Variants in CSMD1 observed in about 807,000 individuals in gnomAD.
CSMD1 encodes the protein CUB and Sushi multiple domains 1, also known as CUB and sushi domain-containing protein 1.
Under a neutral mutation model 417.5 loss-of-function variants are expected in CSMD1, and 213 were observed. The observed-to-expected ratio is 0.51, with a 90% confidence interval of 0.46 to 0.57. The LOEUF (loss-of-function observed/expected upper bound fraction) is 0.57, where lower values mean the gene tolerates loss of function less well. Among genes scored for constraint, CSMD1 ranks in the 20% least tolerant of loss-of-function variants. CSMD1 has a pLI of 0.00. For missense variants in CSMD1, 6,923 were observed against 4,529.7 expected, an observed-to-expected ratio of 1.53 and a Z score of -15.17; for synonymous variants, 2,862 against 1,736.8, an observed-to-expected ratio of 1.65 and a Z score of -16.11.
chr8:3,789,440 GT>G (rs577417768), intron 5 of CSMD1, among the ~76,000 whole-genome samples: 1 of 60,518 alleles, frequency 1.7e-5, no homozygotes, highest in Non-Finnish European at 3.0e-5. Context: ...TTTTTTTTAA[GT>G]GTTTTTTTTT....
At chr8:2,972,174 T>C (rs1482040462) in intron 57 of CSMD1, among the ~76,000 whole-genome samples, 2 of 152,092 alleles carry the variant, frequency 1.3e-5, no homozygotes, top group African/African-American at 4.8e-5. Flanking sequence ...ATTATTTCTA[T>C]TTACCTATAT....
intron 1 of CSMD1, among the ~76,000 whole-genome samples, chr8:4,848,603 C>T (rs576702794): frequency 2.0e-5 from 3 of 151,958 alleles, no homozygotes; most frequent in Admixed American, 6.5e-5. Context: ...GCTGTGGCAC[C>T]GTGTCGGCTC....
intron 3 of CSMD1, among the ~76,000 whole-genome samples, chr8:4,297,256 G>C (rs1797738737): frequency 6.6e-6 from 1 of 152,030 alleles, no homozygotes; most frequent in Non-Finnish European, 1.5e-5. Flanking sequence ...TATAGAGCTT[G>C]AAATTTACCA....
At chr8:4,388,222 G>A (rs1018436524) in intron 3 of CSMD1, among the ~76,000 whole-genome samples, 2 of 151,834 alleles carry the variant, frequency 1.3e-5, no homozygotes, top group South Asian at 2.1e-4. Flanking sequence ...TTGCACATGC[G>A]TGTTTACAGT....
intron 1 of CSMD1, among the ~76,000 whole-genome samples, chr8:4,961,570 G>C (rs1446216301): frequency 1.3e-5 from 2 of 152,056 alleles, no homozygotes; most frequent in Non-Finnish European, 2.9e-5. Context: ...GTTAACCATT[G>C]TTATCTAGTG....
chr8:3,702,593 G>A (rs1258036865), intron 7 of CSMD1, among the ~76,000 whole-genome samples: 7 of 152,214 alleles, frequency 4.6e-5, no homozygotes, highest in Admixed American at 4.6e-4. Flanking sequence ...CACTTTGGGA[G>A]GCCGAGGCAG....
intron 1 of CSMD1, among the ~76,000 whole-genome samples, chr8:4,960,798 T>C (rs1389495382): frequency 1.3e-5 from 2 of 152,304 alleles, no homozygotes; most frequent in South Asian, 2.1e-4. Context: ...TGATCATCTG[T>C]TATAAAATGG....
chr8:3,184,112 GCTT>G (rs1821602464), intron 36 of CSMD1, among the ~76,000 whole-genome samples: 1 of 152,068 alleles, frequency 6.6e-6, no homozygotes, highest in Admixed American at 6.6e-5. Context: ...TGCTTTTCTA[GCTT>G]CTTATCATTA....
In CSMD1 at chr8:3,448,160, T is replaced by C. The variant is rs114665292; in HGVS notation, c.1561+20552A>G. The stretch of plus-strand genomic sequence containing the variant: ...AAGTGAGGGATACAGGGAGCCTGAA[T>C]TGGGGGAGTAGATAGTGAAGACAGA... On this transcript the variant is annotated intron_variant, in intron 12 of 69. Coordinates refer to ENST00000635120, the MANE Select transcript of CSMD1 (RefSeq NM_033225.6). Among the ~76,000 whole-genome samples, 1,232 of 150,666 alleles carry C rather than the reference T, an allele frequency of 8.2e-3. 20 individuals carry two copies. The highest frequency in any genetic ancestry group is 0.028 in the African/African-American group (1,167 of 40,958).
At chr8:3,417,519 T>A (rs2116958219) in intron 12 of CSMD1, among the ~76,000 whole-genome samples, 1 of 152,344 alleles carries the variant, frequency 6.6e-6, no homozygotes, top group Admixed American at 6.5e-5. Flanking sequence ...ATTCTGAACT[T>A]AAGGCTTAAA....
At chr8:3,466,758 C>G (rs1251758083) in intron 12 of CSMD1, among the ~76,000 whole-genome samples, 2 of 151,930 alleles carry the variant, frequency 1.3e-5, no homozygotes, top group African/African-American at 4.8e-5. Flanking sequence ...TTATGAATAA[C>G]TTTGCTTTGA....
intron 3 of CSMD1, among the ~76,000 whole-genome samples, chr8:4,350,281 T>G (rs969936310): frequency 6.6e-6 from 1 of 152,176 alleles, no homozygotes. Context: ...GGACGCCAAC[T>G]GCAGGTGACT....
chr8:3,249,126 C>G, intron 26 of CSMD1, among the ~76,000 whole-genome samples: 1 of 151,992 alleles, frequency 6.6e-6, no homozygotes, highest in East Asian at 1.9e-4. Flanking sequence ...GAGAATTGGC[C>G]CCTAGCAGGT....
At chr8:4,500,021 G>C (rs1224501885) in intron 2 of CSMD1, among the ~76,000 whole-genome samples, 1 of 152,114 alleles carries the variant, frequency 6.6e-6, no homozygotes, top group Non-Finnish European at 1.5e-5. Flanking sequence ...AGAAGCGGGA[G>C]AAGTTGTAGG....
chr8:4,604,109 C>T (rs960905383), intron 2 of CSMD1, among the ~76,000 whole-genome samples: 5 of 151,868 alleles, frequency 3.3e-5, no homozygotes, highest in African/African-American at 1.2e-4. Context: ...ATTTTTTATT[C>T]TTTTTCTTTC....
chr8:3,666,396 A>C (rs1798696225), intron 7 of CSMD1, among the ~76,000 whole-genome samples: 1 of 152,228 alleles, frequency 6.6e-6, no homozygotes, highest in African/African-American at 2.4e-5. Context: ...TTGATTAAAA[A>C]TTTGAAAATA....
Position 3,406,222 on chromosome 8 carries a change from C to A in CSMD1, c.2072-1G>T. The stretch of plus-strand genomic sequence containing the variant: ...TCATGGCACTCATTCTGACCAAATG[C>A]TGAAAGAAAAAGAAGAAGAAAAAAG... On this transcript the variant is annotated splice_acceptor_variant, in intron 14 of 69. Coordinates refer to ENST00000635120, the MANE Select transcript of CSMD1 (RefSeq NM_033225.6). LOFTEE classifies it high-confidence loss of function. 1 of 1,582,588 alleles carries A rather than the reference C, an allele frequency of 6.3e-7. No homozygotes were observed.
intron 5 of CSMD1, among the ~76,000 whole-genome samples, chr8:3,987,142 T>A (rs921652675): frequency 1.2e-4 from 19 of 152,216 alleles, no homozygotes; most frequent in African/African-American, 4.3e-4. Context: ...ACACAGCGTC[T>A]ATCCGAGTTC....
intron 5 of CSMD1, among the ~76,000 whole-genome samples, chr8:3,862,526 T>A (rs370098647): frequency 2.8e-4 from 43 of 152,346 alleles, no homozygotes; most frequent in African/African-American, 9.9e-4. Context: ...TTTGCTACCA[T>A]AAAATTCACC....
Sources: allele counts gnomAD v4.1 joint callset (sites outside exome capture counted in the v4.1 genomes callset), GRCh38; gene constraint gnomAD v4.1.1; transcripts MANE v1.5; gene names NCBI Gene and HGNC (gene_info 2026-07-23, HGNC 2026-07-21).